The following LINGO3 variants were observed in gnomAD, a reference collection of about 807,000 sequenced individuals.
LINGO3 encodes the protein leucine-rich repeat and immunoglobulin-like domain-containing nogo receptor-interacting protein 3.
For synonymous variants in LINGO3, 427 were observed against 444.2 expected, an observed-to-expected ratio of 0.96 and a Z score of 0.49; for missense variants, 750 against 867.7, an observed-to-expected ratio of 0.86 and a Z score of 1.70.
At chr19:2,307,279 C>A in the LINGO3 span, among the ~76,000 whole-genome samples, 1 of 152,218 alleles carries the variant, frequency 6.6e-6, no homozygotes, top group East Asian at 1.9e-4. Flanking sequence ...CTCCTCAGAA[C>A]TGGGGGGGCC....
the LINGO3 span, among the ~76,000 whole-genome samples, chr19:2,306,671 G>C: frequency 5.9e-5 from 9 of 152,108 alleles, no homozygotes; most frequent in Non-Finnish European, 1.0e-4. Flanking sequence ...GTGGATCTGA[G>C]AGAGGGGACG....
the LINGO3 span, among the ~76,000 whole-genome samples, chr19:2,298,847 T>G: frequency 4.6e-5 from 7 of 152,200 alleles, no homozygotes; most frequent in African/African-American, 1.4e-4. Context: ...CCCAAGAAAT[T>G]TTTTTTAAAG....
the LINGO3 span, among the ~76,000 whole-genome samples, chr19:2,298,992 G>A: frequency 1.4e-4 from 22 of 152,300 alleles, no homozygotes; most frequent in Middle Eastern, 3.4e-3. Context: ...CGGATGCGCT[G>A]TGTGACCTCT....
downstream of LINGO3, among the ~76,000 whole-genome samples, chr19:2,287,546 C>T (rs572604490): frequency 2.0e-4 from 30 of 152,340 alleles, 1 homozygote; most frequent in South Asian, 3.3e-3. This position sits in a 1 kb window ranked among gnomAD's most constrained non-coding sequence, Gnocchi z 4.5. Context: ...TGGGCCCTCC[C>T]GGCCACAGCT....
the LINGO3 span, among the ~76,000 whole-genome samples, chr19:2,301,255 T>C: frequency 6.6e-6 from 1 of 151,828 alleles, no homozygotes; most frequent in Non-Finnish European, 1.5e-5. Flanking sequence ...GGGACAGATT[T>C]AGTGTTTTTT....
chr19:2,307,494 G>C, the LINGO3 span, among the ~76,000 whole-genome samples: 1 of 152,018 alleles, frequency 6.6e-6, no homozygotes, highest in Non-Finnish European at 1.5e-5. Flanking sequence ...AGGGTGCCCA[G>C]GCCCACCATT....
the LINGO3 span, among the ~76,000 whole-genome samples, chr19:2,300,826 G>C: frequency 3.3e-5 from 5 of 152,170 alleles, no homozygotes; most frequent in African/African-American, 1.2e-4. Context: ...AAATGGAACT[G>C]GAGTAGGGGG....
chr19:2,287,567 G>A (rs890396305), downstream of LINGO3, among the ~76,000 whole-genome samples: 3 of 152,200 alleles, frequency 2.0e-5, no homozygotes, highest in Non-Finnish European at 4.4e-5. This position sits in a 1 kb window ranked among gnomAD's most constrained non-coding sequence, Gnocchi z 4.5. Flanking sequence ...CAGGGAGAAC[G>A]GGCTGTTGTC....
chr19:2,294,045 G>A (rs1302214638), upstream of LINGO3, among the ~76,000 whole-genome samples: 1 of 151,892 alleles, frequency 6.6e-6, no homozygotes, highest in Admixed American at 6.6e-5. The surrounding 1 kb of genome is among the most constrained non-coding windows in gnomAD (Gnocchi z 4.3). Flanking sequence ...GAGTGAGACT[G>A]TCTCAAGGGA....
At chr19:2,307,820 C>T in the LINGO3 span, among the ~76,000 whole-genome samples, 1 of 152,156 alleles carries the variant, frequency 6.6e-6, no homozygotes, top group East Asian at 1.9e-4. Context: ...GATGCCCACC[C>T]GATTCCCCGC....
chr19:2,300,560 C>T, the LINGO3 span, among the ~76,000 whole-genome samples: 1 of 152,038 alleles, frequency 6.6e-6, no homozygotes, highest in African/African-American at 2.4e-5. Context: ...ACCTGAACTG[C>T]AGCCCAGGGA....
chr19:2,303,441 C>A, the LINGO3 span, among the ~76,000 whole-genome samples: 3 of 150,034 alleles, frequency 2.0e-5, no homozygotes, highest in East Asian at 5.8e-4. Context: ...GATGGGGAGC[C>A]GGGGTCAGCA....
chr19:2,291,564 C>T, exon 1 of LINGO3: 2 of 1,580,906 alleles, frequency 1.3e-6, no homozygotes, highest in South Asian at 2.3e-5. Context: ...CCAGGTCGCC[C>T]GGGTTCAGGC....
upstream of LINGO3, among the ~76,000 whole-genome samples, chr19:2,295,812 G>T (rs1304429239): frequency 6.6e-6 from 1 of 152,182 alleles, no homozygotes; most frequent in East Asian, 1.9e-4. Context: ...CATATGTACA[G>T]ATGCCAAAAC....
downstream of LINGO3, among the ~76,000 whole-genome samples, chr19:2,287,475 C>T (rs562563149): frequency 6.6e-6 from 1 of 152,176 alleles, no homozygotes; most frequent in East Asian, 1.9e-4. This position sits in a 1 kb window ranked among gnomAD's most constrained non-coding sequence, Gnocchi z 4.5. Flanking sequence ...TGGGGTTGCA[C>T]GAACTTCAGC....
chr19:2,289,259 T>C (rs570123436), downstream of LINGO3, among the ~76,000 whole-genome samples: 2 of 144,342 alleles, frequency 1.4e-5, no homozygotes, highest in Non-Finnish European at 3.1e-5. Context: ...AGCTGTGTGT[T>C]CTGGGTGTGA....
At chr19:2,306,292 C>A in the LINGO3 span, among the ~76,000 whole-genome samples, 1 of 152,212 alleles carries the variant, frequency 6.6e-6, no homozygotes, top group African/African-American at 2.4e-5. Context: ...CACAAAATCC[C>A]AGCTCCCCAC....
At position 2,291,952 on chromosome 19, in the gene LINGO3, T is replaced by C. The variant is rs1429300044; in HGVS notation, c.-176A>G. On this transcript the variant is annotated 5_prime_UTR_variant, in exon 1 of 1. Coordinates refer to ENST00000585527, the Ensembl canonical transcript of LINGO3. ...CTGTAAACCCAGCATTTTGGGAGGC[T>C]GAGATGGAAGAATTGCTTGAGTTCA... 1.1e-5 allele frequency: 7 copies of C among 628,362 alleles called. No homozygotes were observed. The East Asian group carries it at 2.1e-4, about 19-fold the overall frequency. 38.9% of individuals were successfully genotyped at this position (628,362 alleles called of 1,614,324 possible).
At chr19:2,307,302 C>T in the LINGO3 span, among the ~76,000 whole-genome samples, 2 of 152,196 alleles carry the variant, frequency 1.3e-5, no homozygotes, top group African/African-American at 4.8e-5. Context: ...GACACCGGCA[C>T]CGTTAGCGCC....
Sources: gnomAD v4.1 joint callset for allele counts (sites outside exome capture counted in the v4.1 genomes callset) on GRCh38, gnomAD v4.1.1 for gene constraint, Gnocchi (gnomAD v3.1) non-coding constraint, MANE v1.5 for transcripts, NCBI Gene and HGNC (gene_info 2026-07-23, HGNC 2026-07-21) for gene names.